KCNN2: variants seen among roughly 807,000 people sequenced by gnomAD.
KCNN2 encodes the protein small conductance calcium-activated potassium channel protein 2.
A neutral mutation model predicts 55.5 loss-of-function variants in KCNN2; 24 were observed. That is an observed-to-expected ratio of 0.43 (90% CI 0.31 to 0.61). The LOEUF is 0.61. Among genes scored for constraint, KCNN2 ranks in the 20% least tolerant of loss-of-function variants. KCNN2 has a pLI of 0.08. For synonymous variants in KCNN2, 431 were observed against 336.1 expected (o/e 1.28, Z -3.09); for missense variants, 754 against 853.6 (o/e 0.88, Z 1.45).
intron 1 of KCNN2, among the ~76,000 whole-genome samples, chr5:114,212,750 G>T (rs1415072885): frequency 3.3e-5 from 5 of 151,934 alleles, no homozygotes; most frequent in Non-Finnish European, 7.4e-5. Flanking sequence ...ACCTTTAGTA[G>T]TAAGACTGAG....
At chr5:114,095,225 G>A (rs1040113516) in intron 1 of KCNN2, among the ~76,000 whole-genome samples, 1 of 152,158 alleles carries the variant, frequency 6.6e-6, no homozygotes, top group Admixed American at 6.6e-5. Context: ...GTTTCAGGGA[G>A]AGAGAGGAAG....
intron 2 of KCNN2, among the ~76,000 whole-genome samples, chr5:114,286,043 C>T (rs1755742118): frequency 6.6e-6 from 1 of 151,814 alleles, no homozygotes; most frequent in South Asian, 2.1e-4. Context: ...TCTCAGCCTC[C>T]TGAGTAGCTG....
intron 1 of KCNN2, among the ~76,000 whole-genome samples, chr5:114,124,858 T>C (rs957255806): frequency 2.6e-5 from 4 of 152,234 alleles, no homozygotes; most frequent in African/African-American, 9.6e-5. Context: ...TGTGTTATTC[T>C]TCTTGGCTTT....
At chr5:114,316,545 T>G (rs1467448102) in intron 2 of KCNN2, among the ~76,000 whole-genome samples, 1 of 152,204 alleles carries the variant, frequency 6.6e-6, no homozygotes, top group Non-Finnish European at 1.5e-5. Context: ...TGGGTACTTT[T>G]CCAGCAGTAG....
chr5:114,286,181 A>G (rs1043956350), intron 2 of KCNN2, among the ~76,000 whole-genome samples: 4 of 152,146 alleles, frequency 2.6e-5, no homozygotes, highest in Admixed American at 6.6e-5. Context: ...CAGGAAGGAG[A>G]AGCCACCTCC....
chr5:114,378,926 G>A (rs564719955), intron 2 of KCNN2, among the ~76,000 whole-genome samples: 15 of 152,110 alleles, frequency 9.9e-5, no homozygotes, highest in Non-Finnish European at 1.8e-4. Context: ...AAGAGTGTTT[G>A]TTATTTTCTT....
chr5:114,475,965 C>G (rs1761945661), intron 5 of KCNN2, among the ~76,000 whole-genome samples: 1 of 152,078 alleles, frequency 6.6e-6, no homozygotes, highest in Non-Finnish European at 1.5e-5. Flanking sequence ...TCATTAAGTA[C>G]TGTTCTGGTT....
intron 1 of KCNN2, among the ~76,000 whole-genome samples, chr5:114,090,530 CCTCTCTTT>C (rs1352503793): frequency 1.3e-5 from 2 of 150,328 alleles, no homozygotes; most frequent in African/African-American, 4.9e-5. Flanking sequence ...CCTCACTCTT[CCTCTCTTT>C]CTCTCTTCCT....
intron 2 of KCNN2, among the ~76,000 whole-genome samples, chr5:114,396,194 A>G (rs1297268243): frequency 6.6e-6 from 1 of 152,150 alleles, no homozygotes; most frequent in Admixed American, 6.5e-5. Context: ...GCCCATCAGC[A>G]AGTTCTGACA....
At chr5:114,295,977 C>T (rs1264035040) in intron 2 of KCNN2, among the ~76,000 whole-genome samples, 1 of 152,114 alleles carries the variant, frequency 6.6e-6, no homozygotes, top group Non-Finnish European at 1.5e-5. Context: ...ATAATTTCCG[C>T]TGGTAATAGT....
At chr5:114,451,942 G>T (rs10044587) in intron 3 of KCNN2, among the ~76,000 whole-genome samples, 44,976 of 150,856 alleles carry the variant, frequency 0.3, 7,824 homozygotes, top group East Asian at 0.59. Flanking sequence ...CTAAATTAAA[G>T]CTGGGCTTTA....
chr5:114,178,628 G>C (rs1405574564), intron 1 of KCNN2, among the ~76,000 whole-genome samples: 1 of 152,150 alleles, frequency 6.6e-6, no homozygotes, highest in African/African-American at 2.4e-5. Flanking sequence ...TAGCCTTTTA[G>C]TGGGGCTCCT....
intron 2 of KCNN2, among the ~76,000 whole-genome samples, chr5:114,263,460 G>A (rs1248974662): frequency 1.2e-4 from 1 of 8,436 alleles, no homozygotes; most frequent in African/African-American, 3.5e-4. Context: ...GGATAAGCAG[G>A]TAGACTTATC....
intron 3 of KCNN2, among the ~76,000 whole-genome samples, chr5:114,430,421 G>A (rs1405350217): frequency 6.6e-6 from 1 of 151,934 alleles, no homozygotes; most frequent in African/African-American, 2.4e-5. Flanking sequence ...TTTCATTGCT[G>A]ATACATAGAA....
chr5:114,194,932 A>T (rs906641730), intron 1 of KCNN2, among the ~76,000 whole-genome samples: 1 of 149,902 alleles, frequency 6.7e-6, no homozygotes, highest in Admixed American at 6.7e-5. Context: ...TCCCAGTGCC[A>T]TCTGTTGAGA....
At chr5:114,333,868 G>A (rs1434258490) in intron 2 of KCNN2, among the ~76,000 whole-genome samples, 1 of 152,092 alleles carries the variant, frequency 6.6e-6, no homozygotes, top group Non-Finnish European at 1.5e-5. Context: ...TCTACTCGTA[G>A]CTGTCAACTA....
chr5:114,057,543 T>C (rs778702529), intron 1 of KCNN2, among the ~76,000 whole-genome samples: 2 of 152,218 alleles, frequency 1.3e-5, no homozygotes, highest in African/African-American at 2.4e-5. Flanking sequence ...TGCTAGGAGA[T>C]GCAACAGTGG....
At chr5:114,141,802 G>A (rs1454285529) in intron 1 of KCNN2, among the ~76,000 whole-genome samples, 1 of 152,112 alleles carries the variant, frequency 6.6e-6, no homozygotes, top group East Asian at 1.9e-4. Flanking sequence ...GTAGTTTCCT[G>A]ACTTTTTAAT....
At chr5:114,363,368 A>G in intron 1 of KCNN2, 107 bp downstream of exon 1, 2 of 1,346,836 alleles carry the variant, frequency 1.5e-6, no homozygotes, top group South Asian at 3.1e-5. Context: ...CTCCGGGACG[A>G]TCAAGGGAGC....
Sources: gnomAD v4.1 joint callset for allele counts (sites outside exome capture counted in the v4.1 genomes callset) on GRCh38, gnomAD v4.1.1 for gene constraint, MANE v1.5 for transcripts, NCBI Gene and HGNC (gene_info 2026-07-23, HGNC 2026-07-21) for gene names.